Variants in ZFYVE9 observed in about 807,000 individuals in gnomAD.
ZFYVE9 encodes the protein zinc finger FYVE-type containing 9, also known as zinc finger FYVE domain-containing protein 9.
In ZFYVE9, 43 loss-of-function variants were observed where a neutral mutation model predicts 126.7. The observed-to-expected ratio is 0.34, with a 90% CI of 0.27 to 0.44. The LOEUF is 0.44. ZFYVE9 is among the 20% of genes least tolerant of loss of function. ZFYVE9 has a pLI of 1.00. For missense variants in ZFYVE9, 1,476 were observed against 1,697.0 expected (o/e 0.87, Z 2.29); for synonymous variants, 521 against 597.4 (o/e 0.87, Z 1.87).
chr1:52,284,544 C>T (rs1645835883), intron 10 of ZFYVE9, among the ~76,000 whole-genome samples: 1 of 152,050 alleles, frequency 6.6e-6, no homozygotes, highest in Non-Finnish European at 1.5e-5. Context: ...CCCAGCCTCC[C>T]AAGTAGCTGG....
chr1:52,322,041 C>T (rs1646245391), intron 13 of ZFYVE9, among the ~76,000 whole-genome samples: 1 of 152,190 alleles, frequency 6.6e-6, no homozygotes, highest in Non-Finnish European at 1.5e-5. Context: ...GACATCTCCA[C>T]TTGCATACAC....
At chr1:52,245,888 T>A (rs1256101221) in intron 4 of ZFYVE9, among the ~76,000 whole-genome samples, 1 of 152,206 alleles carries the variant, frequency 6.6e-6, no homozygotes, top group Non-Finnish European at 1.5e-5. Context: ...TGTTATTTTC[T>A]TTGCATTTCT....
chr1:52,254,413 G>A (rs1048226104), intron 4 of ZFYVE9, among the ~76,000 whole-genome samples: 3 of 151,028 alleles, frequency 2.0e-5, no homozygotes, highest in Admixed American at 2.0e-4. Flanking sequence ...GTGTGGCTGG[G>A]CGTGGTGGCT....
chr1:52,211,889 C>T (rs1486722715), intron 1 of ZFYVE9, among the ~76,000 whole-genome samples: 1 of 152,130 alleles, frequency 6.6e-6, no homozygotes, highest in Admixed American at 6.5e-5. Flanking sequence ...ATGTTCATAT[C>T]AGAGATTCCT....
intron 8 of ZFYVE9, among the ~76,000 whole-genome samples, chr1:52,276,011 A>T: frequency 6.7e-6 from 1 of 148,704 alleles, no homozygotes; most frequent in Non-Finnish European, 1.5e-5. Context: ...GGGTTCAAGC[A>T]GTTCTCCTGC....
At chr1:52,253,550 G>A (rs1645473022) in intron 4 of ZFYVE9, 2 of 744,480 alleles carry the variant, frequency 2.7e-6, no homozygotes, top group Non-Finnish European at 4.7e-6. Context: ...AGGAAGCCGA[G>A]TGGGAGTGGC....
intron 9 of ZFYVE9, among the ~76,000 whole-genome samples, chr1:52,279,046 A>T (rs1451274698): frequency 6.6e-6 from 1 of 152,040 alleles, no homozygotes; most frequent in African/African-American, 2.4e-5. Context: ...GCCTAGCCAC[A>T]TCTTACTGAA....
At chr1:52,175,207 C>CA (rs1644613466) in intron 1 of ZFYVE9, among the ~76,000 whole-genome samples, 1 of 151,254 alleles carries the variant, frequency 6.6e-6, no homozygotes, top group African/African-American at 2.4e-5. Context: ...CTGGTGGTGA[C>CA]AAAATCTCTC....
At chr1:52,274,124 G>C (rs1197249623) in intron 7 of ZFYVE9, among the ~76,000 whole-genome samples, 4 of 152,102 alleles carry the variant, frequency 2.6e-5, no homozygotes, top group African/African-American at 9.6e-5. Context: ...TTGAAGTTTT[G>C]TTTCTTTTGC....
intron 13 of ZFYVE9, among the ~76,000 whole-genome samples, chr1:52,312,359 T>C (rs1646146594): frequency 6.6e-6 from 1 of 152,204 alleles, no homozygotes; most frequent in African/African-American, 2.4e-5. Flanking sequence ...TATTACACTT[T>C]GAGACTCATG....
At chr1:52,174,717 G>C (rs1360719596) in intron 1 of ZFYVE9, among the ~76,000 whole-genome samples, 17 of 152,184 alleles carry the variant, frequency 1.1e-4, no homozygotes, top group Non-Finnish European at 2.5e-4. Flanking sequence ...ATTTAGGATA[G>C]TTAGCTCTTC....
At chr1:52,207,369 G>T (rs1014265458) in intron 1 of ZFYVE9, among the ~76,000 whole-genome samples, 3 of 152,064 alleles carry the variant, frequency 2.0e-5, no homozygotes, top group African/African-American at 7.2e-5. Flanking sequence ...CTTTTTGTTT[G>T]GTGTGAACTA....
At chr1:52,144,413 T>C (rs1193525671) in intron 1 of ZFYVE9, among the ~76,000 whole-genome samples, 5 of 152,148 alleles carry the variant, frequency 3.3e-5, no homozygotes, top group Admixed American at 3.3e-4. Context: ...AAGTATTATA[T>C]GTAATATGCA....
At chr1:52,158,179 C>T (rs773925846) in intron 1 of ZFYVE9, among the ~76,000 whole-genome samples, 2 of 152,180 alleles carry the variant, frequency 1.3e-5, no homozygotes, top group Non-Finnish European at 2.9e-5. Context: ...TAAACTTGAC[C>T]TTACTCAGTC....
chr1:52,153,869 T>A (rs1368405821), intron 1 of ZFYVE9, among the ~76,000 whole-genome samples: 1 of 152,228 alleles, frequency 6.6e-6, no homozygotes, highest in Non-Finnish European at 1.5e-5. Flanking sequence ...CCCTTTCCAC[T>A]TCTTGGTTCT....
At chr1:52,317,431 G>A (rs888937036) in intron 13 of ZFYVE9, among the ~76,000 whole-genome samples, 1 of 150,978 alleles carries the variant, frequency 6.6e-6, no homozygotes, top group Admixed American at 6.6e-5. Flanking sequence ...GCGGTAACTC[G>A]AGATCACGCC....
intron 3 of ZFYVE9, among the ~76,000 whole-genome samples, chr1:52,236,124 C>T (rs905568794): frequency 4.6e-5 from 7 of 152,084 alleles, no homozygotes; most frequent in East Asian, 1.9e-4. Flanking sequence ...GATGTTTGTA[C>T]GTGTCTCTTA....
chr1:52,273,277 G>C (rs1645712854), intron 7 of ZFYVE9, among the ~76,000 whole-genome samples: 1 of 152,110 alleles, frequency 6.6e-6, no homozygotes, highest in East Asian at 1.9e-4. Flanking sequence ...AAAGTGCTGG[G>C]ATTACAGGCG....
At chr1:52,219,109 A>G (rs893762316) in intron 2 of ZFYVE9, among the ~76,000 whole-genome samples, 18 of 151,664 alleles carry the variant, frequency 1.2e-4, no homozygotes, top group African/African-American at 4.4e-4. Context: ...AACCCCTGGA[A>G]GGCTTGTGGT....
Sources: gnomAD v4.1 joint callset for allele counts (sites outside exome capture counted in the v4.1 genomes callset) on GRCh38, gnomAD v4.1.1 for gene constraint, MANE v1.5 for transcripts, NCBI Gene and HGNC (gene_info 2026-07-23, HGNC 2026-07-21) for gene names.